Variants in GPC5 observed in about 807,000 individuals in gnomAD.
GPC5 encodes the protein glypican 5, also known as glypican-5.
In GPC5, 47 loss-of-function variants were observed where a neutral mutation model predicts 53.9. The observed-to-expected ratio is 0.87, with a 90% CI of 0.69 to 1.11. The LOEUF (loss-of-function observed/expected upper bound fraction) is 1.11, where lower values mean the gene tolerates loss of function less well. Ranked by LOEUF, GPC5 falls within the 50% of genes most tolerant of loss-of-function variation. The pLI is 0.00. For synonymous variants in GPC5, 286 were observed against 263.3 expected (o/e 1.09, Z -0.84); for missense variants, 748 against 713.1 (o/e 1.05, Z -0.56).
At position 92,662,936 on chromosome 13, in the gene GPC5, C is replaced by T. The variant is rs538101293; in HGVS notation, c.1562-203346C>T. ...GCCCTTCCTTAATAAATTATTTTCA[C>T]GTGAATTTTTCTCTTAGGTTCTGCT... On this transcript the variant is annotated intron_variant, in intron 7 of 7. Coordinates refer to ENST00000377067, the MANE Select transcript of GPC5 (RefSeq NM_004466.6). 5.9e-5 allele frequency among the ~76,000 whole-genome samples: 9 copies of T among 152,278 alleles called. No homozygotes were observed. In the South Asian group the frequency reaches 1.7e-3, roughly 28 times the overall value.
In GPC5 at chr13:92,184,606, G is replaced by A. The variant is rs532608772; in HGVS notation, c.1561+39617G>A. Among the ~76,000 whole-genome samples the A allele has an allele frequency of 3.9e-4, 60 of 152,126 alleles. 1 individual carries two copies. The South Asian group carries it at 0.012, about 32-fold the overall frequency. ...TGAAAGATTAAACATTGGTTGTTCTGGATTTAATTCTGTTAGGAAACCTGA... is the reference window on the plus strand; with the variant it reads ...TGAAAGATTAAACATTGGTTGTTCTAGATTTAATTCTGTTAGGAAACCTGA... On this transcript the variant is annotated intron_variant, in intron 7 of 7. Transcript: ENST00000377067.
intron 7 of GPC5, among the ~76,000 whole-genome samples, chr13:92,435,247 T>C (rs566143324): frequency 1.3e-5 from 2 of 152,312 alleles, no homozygotes; most frequent in East Asian, 3.9e-4. Flanking sequence ...TTAAATGACA[T>C]ATAGTATCCC....
chr13:92,007,789 T>G (rs570697075), intron 6 of GPC5, among the ~76,000 whole-genome samples: 7 of 152,266 alleles, frequency 4.6e-5, no homozygotes, highest in African/African-American at 1.7e-4. Context: ...TTCCTTTTAT[T>G]TTTACTCTTT....
intron 6 of GPC5, among the ~76,000 whole-genome samples, chr13:92,142,687 C>G (rs1202915504): frequency 6.6e-6 from 1 of 152,046 alleles, no homozygotes; most frequent in Non-Finnish European, 1.5e-5. Context: ...AGTTCATTTA[C>G]CTGGCTGGAT....
chr13:91,523,938 G>A (rs1885960525), intron 2 of GPC5, among the ~76,000 whole-genome samples: 1 of 151,456 alleles, frequency 6.6e-6, no homozygotes, highest in East Asian at 1.9e-4. Flanking sequence ...CAGTTTTATG[G>A]TTTCTCTTTG....
At chr13:92,625,371 C>A (rs922772132) in intron 7 of GPC5, among the ~76,000 whole-genome samples, 19 of 151,938 alleles carry the variant, frequency 1.3e-4, no homozygotes, top group African/African-American at 4.6e-4. Flanking sequence ...TGCAGAGGAC[C>A]ACCAGGAAAT....
intron 4 of GPC5, among the ~76,000 whole-genome samples, chr13:91,732,794 C>G (rs1005760950): frequency 6.6e-6 from 1 of 152,088 alleles, no homozygotes; most frequent in Non-Finnish European, 1.5e-5. Context: ...TTTCCCATTG[C>G]TTGTTTTTAT....
chr13:91,889,949 A>G (rs531152837), intron 5 of GPC5, among the ~76,000 whole-genome samples: 1 of 152,320 alleles, frequency 6.6e-6, no homozygotes, highest in South Asian at 2.1e-4. Flanking sequence ...ACAGAGAGAA[A>G]TTCTCTAATA....
At chr13:91,553,396 C>T (rs761282430) in intron 2 of GPC5, among the ~76,000 whole-genome samples, 1 of 145,606 alleles carries the variant, frequency 6.9e-6, no homozygotes, top group Non-Finnish European at 1.5e-5. Context: ...ATTTATACTC[C>T]TTCTCCTTTA....
intron 1 of GPC5, among the ~76,000 whole-genome samples, chr13:91,435,166 G>A (rs1445823316): frequency 6.6e-6 from 1 of 152,118 alleles, no homozygotes; most frequent in Non-Finnish European, 1.5e-5. Flanking sequence ...TTTCCTAATT[G>A]AATACCCTTT....
At chr13:92,464,159 G>C (rs1174417875) in intron 7 of GPC5, among the ~76,000 whole-genome samples, 1 of 152,158 alleles carries the variant, frequency 6.6e-6, no homozygotes, top group Non-Finnish European at 1.5e-5. Flanking sequence ...TCTGACTGGA[G>C]AGACCAGGAC....
At chr13:91,715,705 C>T (rs1409385901) in intron 3 of GPC5, among the ~76,000 whole-genome samples, 1 of 148,622 alleles carries the variant, frequency 6.7e-6, no homozygotes, top group African/African-American at 2.5e-5. Context: ...CACATGATAC[C>T]TTATCATTTT....
At chr13:92,197,244 A>G (rs1178906003) in intron 7 of GPC5, among the ~76,000 whole-genome samples, 1 of 152,200 alleles carries the variant, frequency 6.6e-6, no homozygotes, top group Non-Finnish European at 1.5e-5. Context: ...CCCCCAGACC[A>G]TAAATTTTCT....
chr13:91,963,863 T>C (rs9523458), intron 6 of GPC5, among the ~76,000 whole-genome samples: 70,050 of 151,988 alleles, frequency 0.46, 17,517 homozygotes, highest in East Asian at 0.75. Flanking sequence ...CATAGAACAC[T>C]TTCTTCGTAC....
chr13:92,642,124 A>G (rs1885615070), intron 7 of GPC5, among the ~76,000 whole-genome samples: 1 of 152,200 alleles, frequency 6.6e-6, no homozygotes, highest in South Asian at 2.1e-4. Flanking sequence ...CGGCAATGAC[A>G]CTATTTCTGG....
intron 5 of GPC5, among the ~76,000 whole-genome samples, chr13:91,807,040 C>T (rs376154678): frequency 2.9e-4 from 44 of 152,146 alleles, no homozygotes; most frequent in Middle Eastern, 6.8e-3. Context: ...ATCAATATTT[C>T]TCTAAGCCTG....
chr13:92,449,866 A>G (rs1346367538), intron 7 of GPC5, among the ~76,000 whole-genome samples: 1 of 152,160 alleles, frequency 6.6e-6, no homozygotes, highest in East Asian at 1.9e-4. Flanking sequence ...AAAATTGTAT[A>G]CTTACTTCTT....
chr13:92,165,675 TG>T (rs1389499277), intron 7 of GPC5, among the ~76,000 whole-genome samples: 1 of 152,224 alleles, frequency 6.6e-6, no homozygotes, highest in Non-Finnish European at 1.5e-5. Context: ...GATTACAATT[TG>T]GATTACAATT....
intron 7 of GPC5, among the ~76,000 whole-genome samples, chr13:92,302,085 G>T (rs1384169142): frequency 6.6e-6 from 1 of 152,020 alleles, no homozygotes; most frequent in African/African-American, 2.4e-5. Context: ...TAGAGAAGTA[G>T]ATCTACCATG....
Sources: allele counts gnomAD v4.1 joint callset (sites outside exome capture counted in the v4.1 genomes callset), GRCh38; gene constraint gnomAD v4.1.1; transcripts MANE v1.5; gene names NCBI Gene and HGNC (gene_info 2026-07-23, HGNC 2026-07-21).